CFAP58: variants seen among roughly 807,000 people sequenced by gnomAD.
The protein encoded by CFAP58 is cilia- and flagella-associated protein 58.
In CFAP58, 88 loss-of-function variants were observed where a neutral mutation model predicts 119.5. That is an observed-to-expected ratio of 0.74 (90% CI 0.62 to 0.88). The LOEUF (loss-of-function observed/expected upper bound fraction) is 0.88. Among genes scored for constraint, CFAP58 ranks in the 40% least tolerant of loss-of-function variants. The pLI is 0.00. For missense variants in CFAP58, 990 were observed against 1,021.2 expected (o/e 0.97, Z 0.42); for synonymous variants, 365 against 366.3 (o/e 1.00, Z 0.04).
In CFAP58 at chr10:104,426,469, C is replaced by A. The variant is rs1589932057; in HGVS notation, c.2256+19676C>A. On this transcript the variant is annotated intron_variant, in intron 15 of 17. Coordinates refer to ENST00000369704, the MANE Select transcript of CFAP58 (RefSeq NM_001008723.2). ...CATCATCCTCTCTCCCTCCCCACTC[C>A]CCCCAGCTATCCAGGCTGAAGCTTG... 5.9e-5 allele frequency among the ~76,000 whole-genome samples: 9 copies of A among 152,060 alleles called. 2 individuals carry two copies. The highest frequency in any genetic ancestry group is 5.9e-4 in the Admixed American group (9 of 15,252).
Position 104,370,908 on chromosome 10 carries a change from A to G in CFAP58, c.944A>G (p.Glu315Gly), listed in dbSNP as rs1308771200. 2 of 1,612,314 alleles carry G rather than the reference A, an allele frequency of 1.2e-6. No individual in the cohort carries two copies. The highest frequency in any genetic ancestry group is 1.3e-5 in the African/African-American group (1 of 74,796). Residue 315 changes from glutamate to glycine, a missense_variant, in exon 7 of 18, where the codon GAA (glutamate) becomes GGA (glycine). Glu to Gly is a moderately conservative substitution (Grantham distance 98). Transcript: ENST00000369704. ...CACTAATTACAGGCCAAAGAGGAAGAAGTCCATCAAATGCGCCTTGACATC... is the reference window on the plus strand; with the variant it reads ...CACTAATTACAGGCCAAAGAGGAAGGAGTCCATCAAATGCGCCTTGACATC... ...KALELKAKEE[E>G]VHQMRLDIGK...
At chr10:104,409,689 G>A (rs2133053978) in intron 15 of CFAP58, among the ~76,000 whole-genome samples, 1 of 152,068 alleles carries the variant, frequency 6.6e-6, no homozygotes, top group South Asian at 2.1e-4. Context: ...TGCTTGAATT[G>A]CTCCTTTCGT....
chr10:104,355,079 C>G (rs78997867), intron 1 of CFAP58, among the ~76,000 whole-genome samples: 5 of 152,192 alleles, frequency 3.3e-5, no homozygotes, highest in African/African-American at 9.7e-5. Flanking sequence ...CACGCCTGGG[C>G]TCCATCACTC....
chr10:104,338,838 T>C, the CFAP58 span, among the ~76,000 whole-genome samples: 1 of 152,014 alleles, frequency 6.6e-6, no homozygotes, highest in African/African-American at 2.4e-5. Context: ...TGGAGGAAAA[T>C]ATAACTCTAG....
At chr10:104,357,749 T>C (rs1364292832) in intron 1 of CFAP58, among the ~76,000 whole-genome samples, 1 of 151,828 alleles carries the variant, frequency 6.6e-6, no homozygotes, top group Admixed American at 6.6e-5. Flanking sequence ...GTAATGTGTA[T>C]AAATGTATAA....
upstream of CFAP58, among the ~76,000 whole-genome samples, chr10:104,351,321 T>G (rs1589903214): frequency 6.6e-6 from 1 of 152,252 alleles, no homozygotes; most frequent in East Asian, 1.9e-4. Flanking sequence ...TCCTTGCATT[T>G]ATTCATCAAC....
chr10:104,398,625 C>CT (rs1262299905), intron 11 of CFAP58, among the ~76,000 whole-genome samples: 2 of 152,182 alleles, frequency 1.3e-5, no homozygotes, highest in African/African-American at 4.8e-5. Context: ...TCTGAGCTCT[C>CT]TGAGAAAGCA....
intron 17 of CFAP58, among the ~76,000 whole-genome samples, chr10:104,454,214 AG>A (rs1312176019): frequency 3.3e-5 from 5 of 152,210 alleles, no homozygotes; most frequent in Admixed American, 3.3e-4. Flanking sequence ...AATAAACATT[AG>A]GAGAGCATAT....
chr10:104,368,210 A>T (rs1219831571), intron 5 of CFAP58, among the ~76,000 whole-genome samples: 1 of 152,240 alleles, frequency 6.6e-6, no homozygotes, highest in African/African-American at 2.4e-5. Flanking sequence ...TCACTGTGTT[A>T]TTCATTAGAA....
intron 16 of CFAP58, 125 bp downstream of exon 16, chr10:104,447,942 C>T (rs2013137156): frequency 8.1e-7 from 1 of 1,228,114 alleles, no homozygotes; most frequent in Non-Finnish European, 1.1e-6. Context: ...CTGAGGTCAG[C>T]TCCCTTAGAG....
rs553205906 is a variant in CFAP58, at chr10:104,362,118, C to A, written c.387C>A (p.Asn129Lys). 1 of 1,614,062 alleles carries A rather than the reference C, an allele frequency of 6.2e-7. No individual in the cohort carries two copies. The highest frequency in any genetic ancestry group is 1.1e-5 in the South Asian group (1 of 91,074). ...TTGCTCTGAAAGAGGAAATAGTGAA[C>A]CTGACCAAACTAGTGGAGCAGGGGT... ...TILALKEEIV[N>K]LTKLVEQGSG... is the part of the protein sequence containing the mutation. Residue 129 changes from asparagine (N) to lysine (K), a missense_variant, in exon 3 of 18, where the codon AAC (asparagine) becomes AAA (lysine). Asn to Lys is a moderately conservative substitution (Grantham distance 94). Coordinates refer to ENST00000369704, the MANE Select transcript of CFAP58 (RefSeq NM_001008723.2).
upstream of CFAP58, among the ~76,000 whole-genome samples, chr10:104,349,678 G>C (rs112911875): frequency 5.9e-5 from 9 of 152,176 alleles, no homozygotes; most frequent in African/African-American, 2.2e-4. Flanking sequence ...TTGACGGTGT[G>C]GTAGGGAACA....
intron 9 of CFAP58, among the ~76,000 whole-genome samples, chr10:104,384,375 T>C (rs960969835): frequency 6.6e-6 from 1 of 152,208 alleles, no homozygotes; most frequent in Non-Finnish European, 1.5e-5. Context: ...GTACTAAGAA[T>C]TGGGCAAAGG....
chr10:104,450,672 TA>T (rs2013180476), intron 17 of CFAP58, among the ~76,000 whole-genome samples: 1 of 123,878 alleles, frequency 8.1e-6, no homozygotes, highest in African/African-American at 3.9e-5. Context: ...ACCTATGTTT[TA>T]TTTATTTATT....
At chr10:104,422,392 G>C (rs1189544108) in intron 15 of CFAP58, among the ~76,000 whole-genome samples, 1 of 152,134 alleles carries the variant, frequency 6.6e-6, no homozygotes, top group African/African-American at 2.4e-5. Flanking sequence ...AGGCCTCTGT[G>C]ATAGCCTGAG....
chr10:104,433,650 G>C (rs1284201490), intron 15 of CFAP58, among the ~76,000 whole-genome samples: 3 of 152,120 alleles, frequency 2.0e-5, no homozygotes, highest in Admixed American at 2.0e-4. Context: ...ATGATGTCAT[G>C]ATCCAGCTAT....
intron 3 of CFAP58, among the ~76,000 whole-genome samples, chr10:104,364,478 A>G (rs1279040150): frequency 6.6e-6 from 1 of 151,310 alleles, no homozygotes; most frequent in Admixed American, 6.6e-5. Context: ...ACACTCTCAC[A>G]CGCATGAATA....
At chr10:104,366,411 C>T (rs986145270) in intron 5 of CFAP58, among the ~76,000 whole-genome samples, 1 of 152,156 alleles carries the variant, frequency 6.6e-6, no homozygotes, top group Non-Finnish European at 1.5e-5. Context: ...CCTTCTCCCC[C>T]TAAAATACCA....
chr10:104,393,781 G>A (rs181799064), intron 11 of CFAP58, among the ~76,000 whole-genome samples: 3 of 152,344 alleles, frequency 2.0e-5, no homozygotes, highest in Admixed American at 6.5e-5. Context: ...CAGGTTGGCA[G>A]TGCCAAGAAA....
Sources: gnomAD v4.1 joint callset for allele counts (sites outside exome capture counted in the v4.1 genomes callset) on GRCh38, gnomAD v4.1.1 for gene constraint, MANE v1.5 for transcripts, NCBI Gene and HGNC (gene_info 2026-07-23, HGNC 2026-07-21) for gene names.